Variants in FAM13A observed in about 807,000 individuals in gnomAD.
FAM13A encodes the protein protein FAM13A.
FAM13A carries 76 observed loss-of-function variants against 129.6 expected under a neutral mutation model. That is an observed-to-expected ratio of 0.59 (90% CI 0.49 to 0.71). The LOEUF (loss-of-function observed/expected upper bound fraction) is 0.71. FAM13A is among the 30% of genes least tolerant of loss of function. The probability of loss-of-function intolerance (pLI) is 0.00; values close to 1 mark genes in which losing one functional copy is unlikely to be tolerated. For synonymous variants in FAM13A, 443 were observed against 449.9 expected, an observed-to-expected ratio of 0.98 and a Z score of 0.20; for missense variants, 1,108 against 1,249.3, an observed-to-expected ratio of 0.89 and a Z score of 1.70.
chr4:88,927,338 G>C (rs1388808014), intron 5 of FAM13A, among the ~76,000 whole-genome samples: 1 of 151,514 alleles, frequency 6.6e-6, no homozygotes, highest in African/African-American at 2.4e-5. Context: ...CCAAATCTAA[G>C]AGTTTTTTGG....
At chr4:88,837,794 A>G (rs1735087578) in intron 7 of FAM13A, among the ~76,000 whole-genome samples, 1 of 151,822 alleles carries the variant, frequency 6.6e-6, no homozygotes, top group Non-Finnish European at 1.5e-5. Flanking sequence ...TGATAAATAC[A>G]TATTAAAAGT....
At chr4:88,763,292 CA>C (rs1194054455) in intron 13 of FAM13A, among the ~76,000 whole-genome samples, 2 of 152,124 alleles carry the variant, frequency 1.3e-5, no homozygotes, top group East Asian at 3.8e-4. Flanking sequence ...TTCATTCATT[CA>C]TTCATTCATT....
intron 1 of FAM13A, among the ~76,000 whole-genome samples, chr4:89,045,710 C>A (rs563234566): frequency 1.2e-3 from 182 of 152,170 alleles, no homozygotes; most frequent in Middle Eastern, 3.4e-3. Flanking sequence ...AAAAGGCTTA[C>A]AAAATATTTA....
At chr4:88,750,346 T>C in intron 15 of FAM13A, 78 bp downstream of exon 15, 3 of 1,191,668 alleles carry the variant, frequency 2.5e-6, no homozygotes, top group Admixed American at 3.5e-5. Flanking sequence ...AAAAAAATTA[T>C]TCACTATCAG....
intron 7 of FAM13A, among the ~76,000 whole-genome samples, chr4:88,835,033 C>A (rs1379808909): frequency 6.6e-6 from 1 of 152,104 alleles, no homozygotes; most frequent in African/African-American, 2.4e-5. Flanking sequence ...ATTGATCTCC[C>A]CAAATACTGC....
At chr4:88,828,051 C>T (rs1409265509) in intron 7 of FAM13A, among the ~76,000 whole-genome samples, 1 of 152,186 alleles carries the variant, frequency 6.6e-6, no homozygotes, top group Non-Finnish European at 1.5e-5. Context: ...ATGCTGTTCC[C>T]TCTGTCTGGA....
chr4:88,984,105 G>A (rs890953822), intron 4 of FAM13A, among the ~76,000 whole-genome samples: 1 of 152,054 alleles, frequency 6.6e-6, no homozygotes, highest in African/African-American at 2.4e-5. Context: ...CACATGCAGA[G>A]GAATGAAGTT....
intron 6 of FAM13A, among the ~76,000 whole-genome samples, chr4:88,897,265 A>G (rs1285011444): frequency 6.6e-6 from 1 of 152,214 alleles, no homozygotes; most frequent in African/African-American, 2.4e-5. Flanking sequence ...TGGCATATAC[A>G]GTCTATGCAG....
chr4:88,898,306 A>G (rs1452460139), intron 6 of FAM13A, among the ~76,000 whole-genome samples: 2 of 152,160 alleles, frequency 1.3e-5, no homozygotes, highest in Non-Finnish European at 2.9e-5. Context: ...TTTAGTGAGT[A>G]TATTTTTGAC....
intron 4 of FAM13A, among the ~76,000 whole-genome samples, chr4:88,979,301 A>T (rs10470936): frequency 6.6e-6 from 1 of 152,138 alleles, no homozygotes; most frequent in East Asian, 1.9e-4. Flanking sequence ...TGATACGCAT[A>T]CCCTTTAACC....
At chr4:88,842,586 T>C (rs985441608) in intron 7 of FAM13A, among the ~76,000 whole-genome samples, 3 of 152,264 alleles carry the variant, frequency 2.0e-5, no homozygotes, top group Admixed American at 6.5e-5. Context: ...ACCTTAGTTA[T>C]GTCTGGCCCC....
chr4:88,873,638 G>C (rs1443135957), intron 6 of FAM13A, among the ~76,000 whole-genome samples: 1 of 152,122 alleles, frequency 6.6e-6, no homozygotes, highest in Non-Finnish European at 1.5e-5. Flanking sequence ...CTGAAATTGA[G>C]GCAATAATTA....
At chr4:88,981,304 A>T (rs1761639062) in intron 4 of FAM13A, among the ~76,000 whole-genome samples, 1 of 152,220 alleles carries the variant, frequency 6.6e-6, no homozygotes, top group African/African-American at 2.4e-5. Context: ...GCAAAGTGCC[A>T]AGAATACTAA....
chr4:89,053,143 C>A (rs1433090732), intron 1 of FAM13A, among the ~76,000 whole-genome samples: 1 of 152,194 alleles, frequency 6.6e-6, no homozygotes, highest in African/African-American at 2.4e-5. Flanking sequence ...TACTAGAACA[C>A]AAACACAATT....
At chr4:89,049,532 C>T (rs1771280868) in intron 1 of FAM13A, among the ~76,000 whole-genome samples, 2 of 152,166 alleles carry the variant, frequency 1.3e-5, no homozygotes, top group Non-Finnish European at 2.9e-5. Context: ...AAATTAATTG[C>T]TTATTATAAG....
chr4:88,945,302 C>T (rs1188542596), intron 4 of FAM13A, among the ~76,000 whole-genome samples: 1 of 152,140 alleles, frequency 6.6e-6, no homozygotes, highest in Non-Finnish European at 1.5e-5. Flanking sequence ...AAGTCTCATG[C>T]CTGATGTGTG....
rs564325596 is a variant in FAM13A at position 88,871,017 on chromosome 4, A to G, written c.844-19834T>C. On this transcript the variant is annotated intron_variant, in intron 6 of 23. Transcript: ENST00000264344. ...ACCTAGGCAAACAGGTCTGGAGTGGACCTCCAGCAAACTCCAACAGACCTG... is the reference window on the plus strand; with the variant it reads ...ACCTAGGCAAACAGGTCTGGAGTGGGCCTCCAGCAAACTCCAACAGACCTG... 4.6e-5 allele frequency among the ~76,000 whole-genome samples: 7 copies of G among 152,274 alleles called. No individual in the cohort carries two copies. In the East Asian group the frequency reaches 1.4e-3, roughly 29 times the overall value.
At chr4:88,869,309 A>C (rs1431319540) in intron 6 of FAM13A, among the ~76,000 whole-genome samples, 4 of 152,158 alleles carry the variant, frequency 2.6e-5, no homozygotes, top group Admixed American at 2.6e-4. Flanking sequence ...AAAACTTGTC[A>C]ATGGTTTTTC....
intron 10 of FAM13A, among the ~76,000 whole-genome samples, chr4:88,785,317 G>T (rs923122852): frequency 3.3e-5 from 5 of 152,014 alleles, no homozygotes; most frequent in African/African-American, 1.2e-4. Context: ...TTTGAGTAAA[G>T]ACTTGTGAAA....
Sources: allele counts gnomAD v4.1 joint callset (sites outside exome capture counted in the v4.1 genomes callset), GRCh38; gene constraint gnomAD v4.1.1; transcripts MANE v1.5; gene names NCBI Gene and HGNC (gene_info 2026-07-23, HGNC 2026-07-21).